Variants in BICC1 observed in about 807,000 individuals in gnomAD.
BICC1 encodes the protein protein bicaudal C homolog 1.
BICC1 carries 43 observed loss-of-function variants against 111.0 expected under a neutral mutation model. The ratio of observed to expected loss-of-function variants is 0.39; its 90% CI spans 0.30 to 0.50. The LOEUF (loss-of-function observed/expected upper bound fraction) is 0.50. BICC1 is among the 20% of genes least tolerant of loss of function. The probability of loss-of-function intolerance (pLI) is 0.88; values close to 1 mark genes in which losing one functional copy is unlikely to be tolerated. For synonymous variants in BICC1, 467 were observed against 434.4 expected, an observed-to-expected ratio of 1.07 and a Z score of -0.93; for missense variants, 1,091 against 1,203.2, an observed-to-expected ratio of 0.91 and a Z score of 1.38.
intron 2 of BICC1, among the ~76,000 whole-genome samples, chr10:58,696,978 T>C (rs1275495949): frequency 1.3e-5 from 2 of 152,320 alleles, no homozygotes; most frequent in South Asian, 2.1e-4. Flanking sequence ...TGGCTTTGCA[T>C]AACTTGGCAT....
At chr10:58,798,990 T>A in intron 11 of BICC1, 66 bp from the exon 12 acceptor site, 3 of 1,196,500 alleles carry the variant, frequency 2.5e-6, no homozygotes, top group Non-Finnish European at 3.5e-6. Context: ...ATTTTTATTG[T>A]TAATAAAAAT....
intron 2 of BICC1, among the ~76,000 whole-genome samples, chr10:58,684,899 T>TGATCTTA (rs1839664617): frequency 6.6e-6 from 1 of 152,212 alleles, no homozygotes; most frequent in South Asian, 2.1e-4. Flanking sequence ...TCTTAGTTAT[T>TGATCTTA]GCCTTCTGCT....
chr10:58,523,402 C>T (rs7392591), intron 1 of BICC1, among the ~76,000 whole-genome samples: 70,202 of 152,016 alleles, frequency 0.46, 17,264 homozygotes, highest in Admixed American at 0.63. Context: ...GTTTAACATA[C>T]GCAAATCAAT....
intron 1 of BICC1, among the ~76,000 whole-genome samples, chr10:58,554,764 A>G (rs1843396573): frequency 6.7e-6 from 1 of 150,342 alleles, no homozygotes; most frequent in Non-Finnish European, 1.5e-5. Context: ...TAATATCCTG[A>G]TTTTTAAAGT....
At chr10:58,533,484 T>C (rs1842734347) in intron 1 of BICC1, among the ~76,000 whole-genome samples, 1 of 151,812 alleles carries the variant, frequency 6.6e-6, no homozygotes, top group Non-Finnish European at 1.5e-5. Flanking sequence ...ATATTTTTAA[T>C]TTTTATCTTT....
intron 1 of BICC1, among the ~76,000 whole-genome samples, chr10:58,537,779 G>C (rs1842860868): frequency 6.6e-6 from 1 of 151,816 alleles, no homozygotes; most frequent in Non-Finnish European, 1.5e-5. Context: ...ATCCAGTAAA[G>C]TCTCAGGTTA....
intron 15 of BICC1, among the ~76,000 whole-genome samples, chr10:58,803,504 A>G (rs1843617843): frequency 6.6e-6 from 1 of 152,236 alleles, no homozygotes; most frequent in Non-Finnish European, 1.5e-5. Context: ...TGCAAATAAC[A>G]TTATTCATGT....
intron 1 of BICC1, among the ~76,000 whole-genome samples, chr10:58,526,023 G>T (rs182359531): frequency 6.6e-6 from 1 of 151,940 alleles, no homozygotes; most frequent in African/African-American, 2.4e-5. Context: ...TTCTGAGGAA[G>T]AAATTTGAGG....
chr10:58,800,222 C>A lies in BICC1; in HGVS notation c.1754C>A (p.Ser585Tyr), dbSNP rs778196471. The change falls in exon 13 of 21, where the codon TCC (serine) becomes TAC (tyrosine). Residue 585 changes from serine (S) to tyrosine (Y), a missense_variant. Ser to Tyr is a moderately radical substitution (Grantham distance 144). This residue lies in a region of BICC1 where 843 missense variants were observed against 900.8 expected (regional missense o/e 0.94). Transcript: ENST00000373886. ...QSPDIKYGAISTSSLGEKVLS... is the reference protein window; with the variant it reads ...QSPDIKYGAIYTSSLGEKVLS... ...CCAGATATAAAATATGGTGCAATAT[C>A]CACTTCATCACTTGGAGAAAAAGTG... 1.2e-6 allele frequency: 2 copies of A among 1,606,798 alleles called. No homozygotes were observed. The highest frequency in any genetic ancestry group is 1.7e-6 in the Non-Finnish European group (2 of 1,173,860).
intron 17 of BICC1, among the ~76,000 whole-genome samples, chr10:58,808,717 A>ATTTT (rs34786742): frequency 2.8e-5 from 4 of 145,238 alleles, no homozygotes; most frequent in African/African-American, 2.5e-5. Flanking sequence ...TTTAAAAAAA[A>ATTTT]TTTTTTTTTT....
intron 3 of BICC1, among the ~76,000 whole-genome samples, chr10:58,733,287 T>C (rs764194194): frequency 9.2e-5 from 14 of 152,300 alleles, no homozygotes; most frequent in Non-Finnish European, 1.8e-4. Context: ...TGTGAGTGAG[T>C]GAATGAATAA....
At chr10:58,697,235 C>T (rs2132432782) in intron 2 of BICC1, among the ~76,000 whole-genome samples, 1 of 152,228 alleles carries the variant, frequency 6.6e-6, no homozygotes, top group Middle Eastern at 3.4e-3. Context: ...AAGTGATTTT[C>T]TTGTCAGATT....
chr10:58,797,191 TAC>T (rs1170855329), intron 10 of BICC1, among the ~76,000 whole-genome samples: 1 of 152,218 alleles, frequency 6.6e-6, no homozygotes, highest in African/African-American at 2.4e-5. Flanking sequence ...ATTGCTGTAT[TAC>T]AGTTTTGCTA....
rs1465003328 is a variant in BICC1 at position 58,789,885 on chromosome 10, C to T, written c.999C>T (p.Tyr333=). Residue 333 remains tyrosine, a synonymous_variant, in exon 8 of 21, where the codon TAC becomes TAT. Coordinates refer to ENST00000373886, the MANE Select transcript of BICC1 (RefSeq NM_001080512.3). ...PSNPQKKSTV[Y]LQGTIESVCL... ...ATCCACAAAAGAAATCTACCGTCTACCTCCAGGGCACCATTGAGTCTGTCT... is the reference window on the plus strand; with the variant it reads ...ATCCACAAAAGAAATCTACCGTCTATCTCCAGGGCACCATTGAGTCTGTCT... The T allele has an allele frequency of 2.5e-6, 4 of 1,614,150 alleles. No homozygotes were observed. The highest frequency in any genetic ancestry group is 2.5e-6 in the Non-Finnish European group (3 of 1,180,000).
intron 1 of BICC1, among the ~76,000 whole-genome samples, chr10:58,599,431 A>G (rs1038892950): frequency 5.3e-5 from 8 of 152,250 alleles, no homozygotes; most frequent in Non-Finnish European, 8.8e-5. Flanking sequence ...GTTCTCACTC[A>G]TAAGTGGGAG....
At chr10:58,554,937 C>T (rs547782165) in intron 1 of BICC1, among the ~76,000 whole-genome samples, 3 of 150,562 alleles carry the variant, frequency 2.0e-5, no homozygotes, top group African/African-American at 7.3e-5. Context: ...CTGTTTGTTT[C>T]TCTTTTGGCT....
At chr10:58,549,568 A>G (rs990369276) in intron 1 of BICC1, among the ~76,000 whole-genome samples, 7 of 150,026 alleles carry the variant, frequency 4.7e-5, no homozygotes, top group Non-Finnish European at 8.9e-5. Flanking sequence ...ATCTTTTCGT[A>G]TGCTTATTTG....
chr10:58,623,892 G>C (rs1321567202), intron 2 of BICC1, among the ~76,000 whole-genome samples: 1 of 152,026 alleles, frequency 6.6e-6, no homozygotes, highest in Non-Finnish European at 1.5e-5. Flanking sequence ...GGAGGGAGGG[G>C]CTGGGACATT....
rs538071960 is a variant in BICC1 at position 58,675,985 on chromosome 10, T to A, written c.238-26089T>A. ...GACAGTGGGTGCAGCCCACGGAGAG[T>A]GAGCAGAAGCAGGGTGGGGAGTCGC... On this transcript the variant is annotated intron_variant, in intron 2 of 20. Transcript: ENST00000373886. 9.9e-5 allele frequency among the ~76,000 whole-genome samples: 15 copies of A among 151,584 alleles called. No homozygotes were observed. In the South Asian group the frequency reaches 2.9e-3, roughly 30 times the overall value.
Sources: allele counts gnomAD v4.1 joint callset (sites outside exome capture counted in the v4.1 genomes callset), GRCh38; gene constraint gnomAD v4.1.1; regional missense constraint gnomAD v4.1.1; transcripts MANE v1.5; gene names NCBI Gene and HGNC (gene_info 2026-07-23, HGNC 2026-07-21).